TMEM232: variants seen among roughly 807,000 people sequenced by gnomAD.
TMEM232 encodes the protein transmembrane protein 232.
TMEM232 carries 80 observed loss-of-function variants against 78.8 expected under a neutral mutation model. The ratio of observed to expected loss-of-function variants is 1.01; its 90% CI spans 0.85 to 1.22. TMEM232 has a LOEUF of 1.22. Ranked by LOEUF, TMEM232 falls within the 50% of genes most tolerant of loss-of-function variation. The pLI, the probability that TMEM232 is intolerant of heterozygous loss-of-function variation, is 0.00. For missense variants in TMEM232, 881 were observed against 742.2 expected (o/e 1.19, Z -2.17); for synonymous variants, 297 against 254.3 (o/e 1.17, Z -1.60).
chr5:110,657,446 C>T (rs942727964), intron 2 of TMEM232, among the ~76,000 whole-genome samples: 1 of 151,726 alleles, frequency 6.6e-6, no homozygotes, highest in African/African-American at 2.4e-5. Flanking sequence ...GAATGAAATC[C>T]TGTCATTTGC....
chr5:110,428,761 T>C (rs1195833753), intron 12 of TMEM232, among the ~76,000 whole-genome samples: 2 of 151,684 alleles, frequency 1.3e-5, no homozygotes, highest in Non-Finnish European at 3.0e-5. Context: ...CTTTGACACA[T>C]TATAATTCAG....
chr5:110,461,885 C>A, intron 12 of TMEM232, among the ~76,000 whole-genome samples: 1 of 151,998 alleles, frequency 6.6e-6, no homozygotes, highest in East Asian at 1.9e-4. Flanking sequence ...AACTACTGTT[C>A]CTAAAAAAAA....
At chr5:110,541,460 C>A (rs777141321) in intron 11 of TMEM232, among the ~76,000 whole-genome samples, 8 of 152,094 alleles carry the variant, frequency 5.3e-5, no homozygotes, top group Non-Finnish European at 1.2e-4. Context: ...TATAAAGGTC[C>A]TCTTAAGAGA....
intron 7 of TMEM232, among the ~76,000 whole-genome samples, chr5:110,620,179 C>T (rs1334544920): frequency 6.6e-6 from 1 of 152,074 alleles, no homozygotes; most frequent in East Asian, 1.9e-4. Context: ...CAATTTTACA[C>T]ATCGTGGAGA....
At chr5:110,550,051 A>G (rs1774266469) in intron 11 of TMEM232, among the ~76,000 whole-genome samples, 1 of 152,220 alleles carries the variant, frequency 6.6e-6, no homozygotes, top group Non-Finnish European at 1.5e-5. Context: ...GCATGAATAC[A>G]AATGCAAAAT....
At chr5:110,734,365 T>G (rs1455669896) in intron 2 of TMEM232, among the ~76,000 whole-genome samples, 2 of 152,182 alleles carry the variant, frequency 1.3e-5, no homozygotes, top group East Asian at 3.8e-4. Flanking sequence ...GCAAGCCAAC[T>G]GAGCAAAGCC....
chr5:110,644,284 G>A (rs1299412419), intron 2 of TMEM232, among the ~76,000 whole-genome samples: 6 of 151,860 alleles, frequency 4.0e-5, no homozygotes, highest in Non-Finnish European at 7.4e-5. Flanking sequence ...GCTACATAAA[G>A]TGTCCAAAAT....
At chr5:110,537,968 C>A (rs1399173606) in intron 11 of TMEM232, among the ~76,000 whole-genome samples, 1 of 152,178 alleles carries the variant, frequency 6.6e-6, no homozygotes, top group Non-Finnish European at 1.5e-5. Context: ...ATTTATTCAT[C>A]TGAATCCTTT....
chr5:110,672,234 T>C (rs1791450717), intron 1 of TMEM232, among the ~76,000 whole-genome samples: 1 of 152,176 alleles, frequency 6.6e-6, no homozygotes, highest in South Asian at 2.1e-4. Flanking sequence ...GAACTTATTG[T>C]CCAAAGATTC....
intron 10 of TMEM232, among the ~76,000 whole-genome samples, chr5:110,591,092 T>C (rs1285135355): frequency 6.6e-6 from 1 of 152,184 alleles, no homozygotes; most frequent in Non-Finnish European, 1.5e-5. Context: ...TTTCTTAGAA[T>C]AATGCCTTCA....
intron 12 of TMEM232, among the ~76,000 whole-genome samples, chr5:110,471,518 A>G (rs1762679516): frequency 6.6e-6 from 1 of 152,068 alleles, no homozygotes; most frequent in African/African-American, 2.4e-5. Flanking sequence ...AAAAAAGCAG[A>G]GTCACATATA....
chr5:110,394,365 T>C lies in TMEM232; in HGVS notation n.390+3408A>G, dbSNP rs368512713. On this transcript the variant is annotated intron_variant and non_coding_transcript_variant, in intron 3 of 8. Coordinates refer to the TMEM232 transcript ENST00000507188. ...ATGAAATCATCTGTTGTTGACCACT[T>C]AGGTTTCCTCCAAATCTTGGCTATT... Among the ~76,000 whole-genome samples the C allele has an allele frequency of 1.5e-3, 232 of 152,334 alleles. 2 individuals are homozygous for C. The highest frequency in any genetic ancestry group is 5.4e-3 in the African/African-American group (224 of 41,592).
At chr5:110,495,465 C>A (rs112292018) in intron 12 of TMEM232, among the ~76,000 whole-genome samples, 1 of 151,772 alleles carries the variant, frequency 6.6e-6, no homozygotes, top group African/African-American at 2.4e-5. Context: ...GTTTCAGAGA[C>A]GATCTGTCTT....
At chr5:110,606,131 G>A (rs1233971320) in intron 9 of TMEM232, 33 bp downstream of exon 9, 1 of 1,515,428 alleles carries the variant, frequency 6.6e-7, no homozygotes, top group Non-Finnish European at 8.9e-7. Context: ...TTTCTCTTCG[G>A]TTCTCTTTTC....
chr5:110,494,866 T>C (rs1377398191), intron 12 of TMEM232, among the ~76,000 whole-genome samples: 1 of 151,832 alleles, frequency 6.6e-6, no homozygotes, highest in Non-Finnish European at 1.5e-5. Context: ...CTACATATAG[T>C]ATTATTTATA....
chr5:110,484,399 G>A (rs1403980684), intron 12 of TMEM232, among the ~76,000 whole-genome samples: 3 of 151,970 alleles, frequency 2.0e-5, no homozygotes, highest in African/African-American at 7.2e-5. Flanking sequence ...AAAAAAGGAG[G>A]CAGCAATACA....
intron 12 of TMEM232, among the ~76,000 whole-genome samples, chr5:110,514,721 C>T (rs1768345104): frequency 6.6e-6 from 1 of 151,908 alleles, no homozygotes; most frequent in African/African-American, 2.4e-5. Context: ...AGACATTTTA[C>T]TTAGGCATCC....
intron 12 of TMEM232, among the ~76,000 whole-genome samples, chr5:110,445,683 G>C (rs560240267): frequency 6.6e-6 from 1 of 152,270 alleles, no homozygotes; most frequent in South Asian, 2.1e-4. Flanking sequence ...TGTTGTCAGA[G>C]GCTTCGGACA....
chr5:110,717,754 T>C (rs2150336165), intron 1 of TMEM232, among the ~76,000 whole-genome samples: 1 of 152,220 alleles, frequency 6.6e-6, no homozygotes, highest in Non-Finnish European at 1.5e-5. Flanking sequence ...TGTGATGGTT[T>C]TATAAGGGGC....
Sources: allele counts gnomAD v4.1 joint callset (sites outside exome capture counted in the v4.1 genomes callset), GRCh38; gene constraint gnomAD v4.1.1; transcripts MANE v1.5; gene names NCBI Gene and HGNC (gene_info 2026-07-23, HGNC 2026-07-21).